ZC3HC1: variants seen among roughly 807,000 people sequenced by gnomAD.
ZC3HC1 encodes the protein zinc finger C3HC-type protein 1.
A neutral mutation model predicts 61.9 loss-of-function variants in ZC3HC1; 38 were observed. The observed-to-expected ratio is 0.61, with a 90% confidence interval of 0.47 to 0.81. ZC3HC1 has a LOEUF of 0.81. Among genes scored for constraint, ZC3HC1 ranks in the 30% least tolerant of loss-of-function variants. The pLI is 0.00. For missense variants in ZC3HC1, 554 were observed against 622.7 expected, an observed-to-expected ratio of 0.89 and a Z score of 1.17; for synonymous variants, 213 against 229.9, an observed-to-expected ratio of 0.93 and a Z score of 0.67.
At chr7:130,048,872 G>T in intron 2 of ZC3HC1, 161 bp downstream of exon 2, 1 of 459,128 alleles carries the variant, frequency 2.2e-6, no homozygotes, top group Non-Finnish European at 3.7e-6. Context: ...AACCTCAACT[G>T]TCCCTCTGAG....
intron 2 of ZC3HC1, among the ~76,000 whole-genome samples, chr7:130,046,606 C>CAAA (rs796432440): frequency 1.0e-5 from 1 of 98,484 alleles, no homozygotes; most frequent in Non-Finnish European, 2.1e-5. Flanking sequence ...GACTCCATCT[C>CAAA]AAAAAAAAAA....
intron 4 of ZC3HC1, among the ~76,000 whole-genome samples, chr7:130,037,733 T>G (rs1388870505): frequency 6.6e-6 from 1 of 152,202 alleles, no homozygotes; most frequent in East Asian, 1.9e-4. Context: ...TGGAATATTC[T>G]TAGCCATCAG....
Position 130,051,270 on chromosome 7 carries a change from G to A in ZC3HC1, c.97C>T (p.Arg33Trp). Residue 33 changes from arginine to tryptophan, a missense_variant, in exon 1 of 10, where the codon CGG becomes TGG. Transcript: ENST00000358303. ...GCAATCCCCTCATCTATCAGCTGCC[G>A]GATTTTCTGGGGGGTCCCTTCTGGG... Reference protein sequence around the residue: ...RSPEGTPQKIRQLIDEGIAPE... With the variant: ...RSPEGTPQKIWQLIDEGIAPE... The A allele has an allele frequency of 6.2e-7, 1 of 1,611,802 alleles. No individual in the cohort carries two copies. Among genetic ancestry groups the A allele is most frequent in the Non-Finnish European group, 8.5e-7 (1 of 1,178,972 alleles).
Position 130,023,670 on chromosome 7 carries a change from G to A in ZC3HC1, c.1074C>T (p.Ser358=), listed in dbSNP as rs369927174. The part of the protein sequence containing the change: ...IVSRTRSWDS[S]SPVDRPEPEA... ...CTGGCTCAGGACGGTCAACAGGACT[G>A]GAAGAGTCCCAGCTCCGAGTTCGAG... The change falls in exon 8 of 10, where the codon TCC becomes TCT. Residue 358 remains serine, a synonymous_variant. Transcript: ENST00000358303. The surrounding 1 kb of genome is among the most constrained non-coding windows in gnomAD (Gnocchi z 4.2). The A allele has an allele frequency of 3.2e-4, 509 of 1,614,082 alleles. No homozygotes were observed. The highest frequency in any genetic ancestry group is 4.1e-4 in the Non-Finnish European group (479 of 1,180,044).
In ZC3HC1 at chr7:130,026,138, G is replaced by A. The variant is rs1210608665; in HGVS notation, c.776+20C>T. On this transcript the variant is annotated intron_variant, in intron 6 of 9. Coordinates refer to ENST00000358303, the MANE Select transcript of ZC3HC1 (RefSeq NM_016478.5). The stretch of plus-strand genomic sequence containing the variant: ...GCTGTTGTCATGGTTCATGTCTCCA[G>A]GCAAAATCTGCTGACTCACCTACAC... 1.2e-6 allele frequency: 2 copies of A among 1,608,394 alleles called. No individual in the cohort carries two copies. The highest frequency in any genetic ancestry group is 1.7e-5 in the Admixed American group (1 of 59,704).
At chr7:130,037,005 AAT>A (rs1794455213) in intron 4 of ZC3HC1, 1 of 152,256 alleles carries the variant, frequency 6.6e-6, no homozygotes, top group South Asian at 2.1e-4. Context: ...GGTAGATGAA[AAT>A]ATGAGTCAAG....
chr7:130,024,201 C>A, intron 7 of ZC3HC1, 62 bp downstream of exon 7: 1 of 1,528,792 alleles, frequency 6.5e-7, no homozygotes, highest in Admixed American at 2.1e-5. Flanking sequence ...CAACTTTCTA[C>A]CAACAACACT....
rs776167180 is a variant in ZC3HC1, at chr7:130,023,723, C to A, written c.1021G>T (p.Ala341Ser). The A allele has an allele frequency of 1.9e-5, 30 of 1,612,320 alleles. No individual in the cohort carries two copies. Among genetic ancestry groups the A allele is most frequent in the Non-Finnish European group, 2.5e-5 (29 of 1,178,998 alleles). ...DATFSPGSEQ[A>S]EKSPGPIVSR... ...ACAATGGGACCAGGGCTCTTTTCAG[C>A]CTGAAGGAAAGGGGAGATAATGGAA... The change falls in exon 8 of 10, where the codon GCT (alanine) becomes TCT (serine). Residue 341 changes from alanine to serine, a missense_variant and splice_region_variant. Ala to Ser is a moderately conservative substitution (Grantham distance 99, BLOSUM62 1). Transcript: ENST00000358303. This position sits in a 1 kb window ranked among gnomAD's most constrained non-coding sequence, Gnocchi z 4.2.
At chr7:130,041,944 G>C (rs1278662716) in intron 2 of ZC3HC1, among the ~76,000 whole-genome samples, 1 of 152,186 alleles carries the variant, frequency 6.6e-6, no homozygotes, top group African/African-American at 2.4e-5. Flanking sequence ...GGTCATTTAA[G>C]TAATAAGTGG....
chr7:130,044,573 T>C (rs922184111), intron 2 of ZC3HC1, among the ~76,000 whole-genome samples: 3 of 152,156 alleles, frequency 2.0e-5, no homozygotes, highest in African/African-American at 4.8e-5. Flanking sequence ...TTATAACCCA[T>C]TGAATAACAA....
Position 130,041,097 on chromosome 7 carries a change from A to G in ZC3HC1, c.263T>C (p.Leu88Ser). 1.9e-6 allele frequency: 3 copies of G among 1,610,698 alleles called. No individual in the cohort carries two copies. The highest frequency in any genetic ancestry group is 2.5e-6 in the Non-Finnish European group (3 of 1,179,290). The change falls in exon 3 of 10, where the codon TTG becomes TCG. Residue 88 changes from leucine to serine, a missense_variant. Physicochemically the swap from Leu to Ser is moderately radical, Grantham distance 145. Transcript: ENST00000358303. The part of the protein sequence containing the change: ...FFSRVETFSS[L>S]KWAGKPFELS... The stretch of plus-strand genomic sequence containing the variant: ...CTCAAAGGGCTTACCTGCCCATTTC[A>G]AAGAGTATCCATGTTAAGAAAAACA...
chr7:130,050,527 T>C (rs1452972850), intron 1 of ZC3HC1: 1 of 1,444,878 alleles, frequency 6.9e-7, no homozygotes, highest in Non-Finnish European at 9.1e-7. Context: ...TAAACTTGGA[T>C]GGGTAAAAAT....
intron 2 of ZC3HC1, among the ~76,000 whole-genome samples, chr7:130,044,550 T>C (rs796472871): frequency 9.2e-5 from 14 of 152,258 alleles, no homozygotes; most frequent in African/African-American, 3.4e-4. Flanking sequence ...AAATATATAA[T>C]GATAGTAATG....
intron 9 of ZC3HC1, among the ~76,000 whole-genome samples, chr7:130,020,958 C>T (rs899647565): frequency 6.6e-6 from 1 of 151,764 alleles, no homozygotes; most frequent in Non-Finnish European, 1.5e-5. Flanking sequence ...CAGGCTGGAG[C>T]GCAACCTCGG....
Position 130,041,079 on chromosome 7 carries a change from G to A in ZC3HC1, c.281C>T (p.Pro94Leu). 1 of 1,612,038 alleles carries A rather than the reference G, an allele frequency of 6.2e-7. No homozygotes were observed. Among genetic ancestry groups the A allele is most frequent in the Non-Finnish European group, 8.5e-7 (1 of 1,179,628 alleles). ...TFSSLKWAGK[P>L]FELSPLVCAK... ...ACAGACGAGTGGAGACAGCTCAAAG[G>A]GCTTACCTGCCCATTTCAAAGAGTA... The change falls in exon 3 of 10, where the codon CCC becomes CTC. Residue 94 changes from proline to leucine, a missense_variant. Pro to Leu is a moderately conservative substitution (Grantham distance 98). Transcript: ENST00000358303.
At chr7:130,030,239 G>A (rs1024542992) in intron 4 of ZC3HC1, among the ~76,000 whole-genome samples, 10 of 137,654 alleles carry the variant, frequency 7.3e-5, no homozygotes, top group South Asian at 4.5e-4. Flanking sequence ...TTGCTCTGTC[G>A]CCCAGGCTGC....
At chr7:130,047,142 T>C in intron 2 of ZC3HC1, among the ~76,000 whole-genome samples, 1 of 152,144 alleles carries the variant, frequency 6.6e-6, no homozygotes. Flanking sequence ...TTTGTATTTT[T>C]AGTAGAGACA....
chr7:130,025,054 C>T (rs958388861), intron 6 of ZC3HC1, among the ~76,000 whole-genome samples: 30 of 150,946 alleles, frequency 2.0e-4, no homozygotes, highest in African/African-American at 5.6e-4. Context: ...TACAGGCACC[C>T]GCCACCATGC....
At chr7:130,028,867 TG>T in intron 5 of ZC3HC1, 34 bp downstream of exon 5, 1 of 1,601,948 alleles carries the variant, frequency 6.2e-7, no homozygotes. Flanking sequence ...TGGCAACAAC[TG>T]GAGGCCATTG....
Sources: allele counts gnomAD v4.1 joint callset (sites outside exome capture counted in the v4.1 genomes callset), GRCh38; gene constraint gnomAD v4.1.1; non-coding constraint Gnocchi (gnomAD v3.1); transcripts MANE v1.5; gene names NCBI Gene and HGNC (gene_info 2026-07-23, HGNC 2026-07-21).